SUGCT: variants seen among roughly 807,000 people sequenced by gnomAD.
SUGCT encodes succinyl-CoA:glutarate CoA-transferase.
In SUGCT, 41 loss-of-function variants were observed where a neutral mutation model predicts 55.0. The ratio of observed to expected loss-of-function variants is 0.74; its 90% confidence interval spans 0.58 to 0.97. SUGCT has a LOEUF of 0.97. Ranked by LOEUF, SUGCT falls within the 50% of genes least tolerant of loss-of-function variation. The pLI, the probability that SUGCT is intolerant of heterozygous loss-of-function variation, is 0.00. For synonymous variants in SUGCT, 187 were observed against 200.4 expected, an observed-to-expected ratio of 0.93 and a Z score of 0.56; for missense variants, 568 against 547.8, an observed-to-expected ratio of 1.04 and a Z score of -0.37.
intron 9 of SUGCT, among the ~76,000 whole-genome samples, chr7:40,335,951 A>G (rs1312181241): frequency 1.3e-5 from 2 of 152,108 alleles, no homozygotes; most frequent in Non-Finnish European, 2.9e-5. Context: ...AGAGTTTGTA[A>G]CATGAAGGGC....
At chr7:40,750,445 C>A (rs372160118) in intron 13 of SUGCT, among the ~76,000 whole-genome samples, 14 of 152,194 alleles carry the variant, frequency 9.2e-5, no homozygotes, top group African/African-American at 3.1e-4. Context: ...CGTTTCCTGG[C>A]CATCTTACTT....
intron 13 of SUGCT, among the ~76,000 whole-genome samples, chr7:40,763,513 G>A (rs1209320560): frequency 1.3e-5 from 2 of 152,176 alleles, no homozygotes; most frequent in Admixed American, 6.5e-5. Context: ...TTTATATGAA[G>A]CACTCCTGAG....
intron 6 of SUGCT, among the ~76,000 whole-genome samples, chr7:40,234,182 A>G (rs1255091143): frequency 2.6e-5 from 4 of 152,248 alleles, no homozygotes; most frequent in African/African-American, 4.8e-5. Flanking sequence ...GCTCCTGGCC[A>G]GAAGCACCTG....
intron 9 of SUGCT, among the ~76,000 whole-genome samples, chr7:40,332,443 A>ATTTTTTTTTTTTTT (rs57902207): frequency 1.4e-5 from 2 of 139,354 alleles, no homozygotes; most frequent in African/African-American, 2.6e-5. Context: ...TCTGCATTGG[A>ATTTTTTTTTTTTTT]TTTTTTTTTT....
chr7:40,734,804 C>T (rs1316431236), intron 12 of SUGCT, among the ~76,000 whole-genome samples: 1 of 152,124 alleles, frequency 6.6e-6, no homozygotes, highest in Non-Finnish European at 1.5e-5. Context: ...AAATGTTTGC[C>T]TCAATGGCTT....
rs371680030 is a variant in SUGCT, at chr7:40,675,957, C to T, written c.1090-73477C>T. On this transcript the variant is annotated intron_variant, in intron 12 of 13. Transcript: ENST00000335693. ...GGCCGCAGTCAGATTGGAGAGGAGT[C>T]AGGGAGACCAGTGAGGTGGCTGAGG... Among the ~76,000 whole-genome samples the T allele has an allele frequency of 4.9e-4, 74 of 152,218 alleles. 4 individuals are homozygous for T. In the South Asian group the frequency reaches 0.01, roughly 21 times the overall value.
In SUGCT at chr7:40,749,623, G is replaced by T. The variant is rs1787905726; in HGVS notation, c.1153+126G>T. On this transcript the variant is annotated intron_variant, in intron 13 of 13. Coordinates refer to ENST00000335693, the MANE Select transcript of SUGCT (RefSeq NM_001193313.2). ...GACATTATCCAAATTTATAACATTG[G>T]GTAAAAGGGGAATCCTAGGACTGCA... 5 of 735,666 alleles carry T rather than the reference G, an allele frequency of 6.8e-6. No individual in the cohort carries two copies. The Admixed American group carries it at 9.3e-5, about 14-fold the overall frequency. 45.6% of individuals were successfully genotyped at this position (735,666 alleles called of 1,614,324 possible).
chr7:40,420,774 A>G (rs2151369458), intron 9 of SUGCT, among the ~76,000 whole-genome samples: 1 of 152,148 alleles, frequency 6.6e-6, no homozygotes, highest in Non-Finnish European at 1.5e-5. Flanking sequence ...GGACTACTGT[A>G]TAAGCTGTAC....
intron 9 of SUGCT, among the ~76,000 whole-genome samples, chr7:40,411,166 G>T (rs1786658346): frequency 6.6e-6 from 1 of 152,194 alleles, no homozygotes. Flanking sequence ...GCTGAGGTGG[G>T]AGGATCACTT....
intron 12 of SUGCT, among the ~76,000 whole-genome samples, chr7:40,588,571 A>T (rs1169007141): frequency 6.6e-6 from 1 of 152,200 alleles, no homozygotes; most frequent in East Asian, 1.9e-4. Context: ...TTCAAGAGTG[A>T]TTAATCTTAA....
intron 12 of SUGCT, among the ~76,000 whole-genome samples, chr7:40,633,574 G>T (rs1049810650): frequency 6.6e-6 from 1 of 152,160 alleles, no homozygotes; most frequent in African/African-American, 2.4e-5. Context: ...GCAGGTGCTT[G>T]GTACAAAATC....
intron 10 of SUGCT, among the ~76,000 whole-genome samples, chr7:40,455,867 T>G (rs1789457743): frequency 6.6e-6 from 1 of 152,230 alleles, no homozygotes; most frequent in Non-Finnish European, 1.5e-5. Flanking sequence ...CAATTAAACT[T>G]AACATGTGTT....
At chr7:40,871,403 C>T in the SUGCT span, among the ~76,000 whole-genome samples, 1 of 152,150 alleles carries the variant, frequency 6.6e-6, no homozygotes, top group Non-Finnish European at 1.5e-5. Flanking sequence ...GTATACCAGA[C>T]ATGTGAGTGA....
rs1368554198 is a variant in SUGCT, at chr7:40,249,339, AT to A, written c.576+11614del. On this transcript the variant is annotated intron_variant, in intron 7 of 13. Transcript: ENST00000335693. ...TATATATATATATATATATATATAT[AT>A]ATATATAATTATATTATATAGAATA... Among the ~76,000 whole-genome samples the A allele has an allele frequency of 5.5e-3, 729 of 131,968 alleles. 23 individuals carry two copies. The highest frequency in any genetic ancestry group is 0.019 in the African/African-American group (666 of 34,182). 86.6% of individuals were successfully genotyped at this position (131,968 alleles called of 152,430 possible). A position where few individuals can be genotyped will look rare whatever the true frequency, so the allele number is the denominator to read the frequency against.
At chr7:40,744,319 A>G (rs1236315457) in intron 12 of SUGCT, among the ~76,000 whole-genome samples, 1 of 152,108 alleles carries the variant, frequency 6.6e-6, no homozygotes, top group Non-Finnish European at 1.5e-5. Context: ...CAATTTTCAC[A>G]GCCTTTGTAT....
intron 12 of SUGCT, among the ~76,000 whole-genome samples, chr7:40,573,045 T>G (rs1244868165): frequency 6.6e-6 from 1 of 152,176 alleles, no homozygotes; most frequent in Non-Finnish European, 1.5e-5. Flanking sequence ...AAATGTTCAC[T>G]TTTTGTTTAA....
At chr7:40,757,464 C>T (rs978818349) in intron 13 of SUGCT, among the ~76,000 whole-genome samples, 21 of 152,170 alleles carry the variant, frequency 1.4e-4, no homozygotes, top group Admixed American at 4.6e-4. Context: ...AACGTAGACC[C>T]TAGTGGGCTT....
At chr7:40,979,997 C>G in the SUGCT span, 9 of 152,178 alleles carry the variant, frequency 5.9e-5, no homozygotes, top group Non-Finnish European at 1.2e-4. Flanking sequence ...ACATAAACAA[C>G]AACAGTTTAT....
intron 7 of SUGCT, among the ~76,000 whole-genome samples, chr7:40,249,333 ATATATATAT>A (rs1790174909): frequency 8.3e-6 from 1 of 121,114 alleles, no homozygotes; most frequent in African/African-American, 3.3e-5. Context: ...ATATATATAT[ATATATATAT>A]ATATAATTAT....
Sources: gnomAD v4.1 joint callset for allele counts (sites outside exome capture counted in the v4.1 genomes callset) on GRCh38, gnomAD v4.1.1 for gene constraint, MANE v1.5 for transcripts, NCBI Gene and HGNC (gene_info 2026-07-23, HGNC 2026-07-21) for gene names.